Variants in CASD1 observed in about 807,000 individuals in gnomAD.
CASD1 encodes the protein N-acetylneuraminate (7)9-O-acetyltransferase.
In CASD1, 41 loss-of-function variants were observed where a neutral mutation model predicts 100.0. That is an observed-to-expected ratio of 0.41 (90% CI 0.32 to 0.53). The LOEUF (loss-of-function observed/expected upper bound fraction) is 0.53. Among genes scored for constraint, CASD1 ranks in the 20% least tolerant of loss-of-function variants. The probability of loss-of-function intolerance (pLI) is 0.25; values close to 1 mark genes in which losing one functional copy is unlikely to be tolerated. For missense variants in CASD1, 774 were observed against 948.7 expected, an observed-to-expected ratio of 0.82 and a Z score of 2.42; for synonymous variants, 321 against 315.6, an observed-to-expected ratio of 1.02 and a Z score of -0.18.
Position 94,535,511 on chromosome 7 carries a change from G to T in CASD1, c.831G>T (p.Ser277=). ...TGGATGGCTTACATCTTCCTGAATC[G>T]AGCAGAGAAACTGTGAGAAATTTTT... ...ESLDGLHLPE[S]SRETTAMILM... Residue 277 remains serine (S), a synonymous_variant, in exon 8 of 18, where the codon TCG becomes TCT. Transcript: ENST00000297273. The T allele has an allele frequency of 6.2e-7, 1 of 1,612,958 alleles. No homozygotes were observed. The highest frequency in any genetic ancestry group is 1.1e-5 in the South Asian group (1 of 90,948).
intron 1 of CASD1, 83 bp downstream of exon 1, chr7:94,510,300 A>G: frequency 1.9e-6 from 2 of 1,048,390 alleles, no homozygotes; most frequent in Non-Finnish European, 2.5e-6. Context: ...ATCGCCCAAC[A>G]CACGCCCACG....
chr7:94,562,095 T>C, the CASD1 span, among the ~76,000 whole-genome samples: 2 of 152,180 alleles, frequency 1.3e-5, no homozygotes, highest in Non-Finnish European at 2.9e-5. Context: ...TATTCTGACC[T>C]TACTGTAATA....
chr7:94,585,479 C>T, the CASD1 span: 5 of 1,603,914 alleles, frequency 3.1e-6, no homozygotes, highest in African/African-American at 4.0e-5. Flanking sequence ...AAATTCATTG[C>T]TTCAGTCAGT....
the CASD1 span, among the ~76,000 whole-genome samples, chr7:94,571,714 TGA>T: frequency 6.6e-6 from 1 of 152,060 alleles, no homozygotes; most frequent in Non-Finnish European, 1.5e-5. Flanking sequence ...CAGTAAAAAG[TGA>T]GAGAAAGGAG....
At chr7:94,533,548 T>G in intron 6 of CASD1, 131 bp from the exon 7 acceptor site, 1 of 715,586 alleles carries the variant, frequency 1.4e-6, no homozygotes, top group South Asian at 3.5e-5. Flanking sequence ...CTAATTTGAC[T>G]GAATTTTATT....
intron 5 of CASD1, among the ~76,000 whole-genome samples, chr7:94,529,338 A>G (rs770220971): frequency 5.3e-5 from 8 of 152,186 alleles, no homozygotes. Context: ...TTTATAGGCT[A>G]TTTACTAACC....
chr7:94,591,853 A>G, the CASD1 span, among the ~76,000 whole-genome samples: 35 of 152,240 alleles, frequency 2.3e-4, no homozygotes, highest in South Asian at 6.2e-4. Flanking sequence ...GAGAAGATGC[A>G]TAAGAAAGCA....
chr7:94,600,587 C>T, the CASD1 span: 1 of 1,299,124 alleles, frequency 7.7e-7, no homozygotes, highest in Non-Finnish European at 1.1e-6. Flanking sequence ...TTAATGGAAT[C>T]TTCTATGTTG....
the CASD1 span, chr7:94,620,022 A>T: frequency 1.3e-5 from 2 of 152,214 alleles, no homozygotes; most frequent in Admixed American, 1.3e-4. Context: ...AGACAAGAAA[A>T]TGTTTCTAGG....
chr7:94,567,148 C>G, the CASD1 span, among the ~76,000 whole-genome samples: 1 of 151,232 alleles, frequency 6.6e-6, no homozygotes, highest in Non-Finnish European at 1.5e-5. Context: ...AGATTTATTT[C>G]CTATTGGAAC....
At chr7:94,530,403 G>A (rs926031163) in intron 5 of CASD1, among the ~76,000 whole-genome samples, 7 of 152,158 alleles carry the variant, frequency 4.6e-5, no homozygotes, top group African/African-American at 1.7e-4. Flanking sequence ...ACAGGGAGTT[G>A]ACAAGAGATG....
chr7:94,585,813 T>G, the CASD1 span, among the ~76,000 whole-genome samples: 2 of 152,044 alleles, frequency 1.3e-5, no homozygotes, highest in African/African-American at 4.8e-5. Flanking sequence ...AACTGCAGGA[T>G]GTATAACTGT....
chr7:94,584,699 A>G, the CASD1 span, among the ~76,000 whole-genome samples: 2 of 152,218 alleles, frequency 1.3e-5, no homozygotes, highest in African/African-American at 4.8e-5. Context: ...TGATAGCCAC[A>G]CTGATCCAGT....
At chr7:94,572,772 T>A in the CASD1 span, among the ~76,000 whole-genome samples, 1 of 152,186 alleles carries the variant, frequency 6.6e-6, no homozygotes, top group Non-Finnish European at 1.5e-5. Flanking sequence ...TTGTTTTGAT[T>A]GCTTCTGGTG....
intron 8 of CASD1, 86 bp downstream of exon 8, chr7:94,535,609 A>C: frequency 9.4e-6 from 9 of 958,750 alleles, no homozygotes; most frequent in Middle Eastern, 3.0e-4. Context: ...GGTTATAAAT[A>C]ATTTGTTTTA....
At chr7:94,545,778 A>G (rs889554804) in intron 12 of CASD1, 77 bp downstream of exon 12, 5 of 877,770 alleles carry the variant, frequency 5.7e-6, no homozygotes, top group Non-Finnish European at 8.5e-6. Flanking sequence ...GCTAAATGAT[A>G]TTATTTTTAT....
intron 7 of CASD1, 61 bp from the exon 8 acceptor site, chr7:94,535,248 T>G: frequency 1.6e-6 from 2 of 1,261,656 alleles, no homozygotes; most frequent in Non-Finnish European, 2.3e-6. Flanking sequence ...ACTTGCATGA[T>G]CACAATTTTT....
Position 94,522,513 on chromosome 7 carries a change from G to C in CASD1, c.351+4190G>C, listed in dbSNP as rs552226759. ...TGCATACTGCTCTCAGTTAATGATA[G>C]GACAAGCAAATAAAACTAGTAAACA... On this transcript the variant is annotated intron_variant, in intron 3 of 17. Transcript: ENST00000297273. Among the ~76,000 whole-genome samples the C allele has an allele frequency of 3.9e-5, 6 of 152,242 alleles. No individual in the cohort carries two copies. The South Asian group carries it at 1.2e-3, about 31-fold the overall frequency.
At chr7:94,530,394 C>T (rs1281546275) in intron 5 of CASD1, among the ~76,000 whole-genome samples, 1 of 152,118 alleles carries the variant, frequency 6.6e-6, no homozygotes, top group Non-Finnish European at 1.5e-5. Flanking sequence ...CTTCGTTTTA[C>T]AGGGAGTTGA....
Sources: allele counts gnomAD v4.1 joint callset (sites outside exome capture counted in the v4.1 genomes callset), GRCh38; gene constraint gnomAD v4.1.1; transcripts MANE v1.5; gene names NCBI Gene and HGNC (gene_info 2026-07-23, HGNC 2026-07-21).